The following XRN1 variants were observed in gnomAD, a reference collection of about 807,000 sequenced individuals.
XRN1 encodes strand-exchange protein 1 homolog.
A neutral mutation model predicts 222.3 loss-of-function variants in XRN1; 67 were observed. That is an observed-to-expected ratio of 0.30 (90% CI 0.25 to 0.37). XRN1 has a LOEUF of 0.37. XRN1 is among the 10% of genes least tolerant of loss of function. XRN1 has a pLI of 1.00. For synonymous variants in XRN1, 643 were observed against 652.4 expected (o/e 0.99, Z 0.22); for missense variants, 1,707 against 2,000.2 (o/e 0.85, Z 2.80).
chr3:142,400,807 A>G (rs1341934069), intron 18 of XRN1, among the ~76,000 whole-genome samples: 2 of 152,202 alleles, frequency 1.3e-5, no homozygotes, highest in African/African-American at 2.4e-5. Context: ...AGTCCCAGCT[A>G]CCCGGAGGCT....
At chr3:142,417,090 A>G in intron 13 of XRN1, 50 bp downstream of exon 13, 1 of 1,400,098 alleles carries the variant, frequency 7.1e-7, no homozygotes, top group South Asian at 1.2e-5. Context: ...CTCTAGTAGA[A>G]TGAATCATTA....
chr3:142,312,555 A>G, intron 40 of XRN1, 43 bp downstream of exon 40: 6 of 1,454,084 alleles, frequency 4.1e-6, no homozygotes, highest in Non-Finnish European at 5.5e-6. Flanking sequence ...ATAGTCTTTC[A>G]GCATTAAACA....
At position 142,403,745 on chromosome 3, in the gene XRN1, C is replaced by G; in HGVS notation, c.2032G>C (p.Val678Leu). ...KFFLKKSGVQ[V>L]FQQSSRGENM... The stretch of plus-strand genomic sequence containing the variant: ...TCTCCACGACTGCTTTGCTGGAATA[C>G]TTGAACACCACTTTTCTTCAAAAAA... Residue 678 changes from valine (V) to leucine (L), a missense_variant, in exon 18 of 41, where the codon GTA (valine) becomes CTA (leucine). Coordinates refer to ENST00000392981, the MANE Select transcript of XRN1 (RefSeq NM_001282857.2). 1 of 1,613,154 alleles carries G rather than the reference C, an allele frequency of 6.2e-7. No individual in the cohort carries two copies.
intron 1 of XRN1, among the ~76,000 whole-genome samples, chr3:142,438,998 A>G (rs1262278339): frequency 2.0e-5 from 3 of 152,110 alleles, no homozygotes; most frequent in African/African-American, 7.2e-5. Context: ...AATGAACCAG[A>G]GTGCCAATAT....
intron 15 of XRN1, among the ~76,000 whole-genome samples, chr3:142,410,146 A>G (rs184635817): frequency 6.6e-6 from 1 of 152,348 alleles, no homozygotes; most frequent in African/African-American, 2.4e-5. Context: ...AAAACGTTAG[A>G]AAGAAGTGGT....
At chr3:142,388,143 A>G (rs920984153) in intron 20 of XRN1, among the ~76,000 whole-genome samples, 3 of 152,216 alleles carry the variant, frequency 2.0e-5, no homozygotes, top group African/African-American at 7.2e-5. Context: ...ACATAGGTCC[A>G]CTTACATGCA....
intron 29 of XRN1, among the ~76,000 whole-genome samples, chr3:142,363,920 A>C (rs2066733447): frequency 6.6e-6 from 1 of 152,242 alleles, no homozygotes; most frequent in Non-Finnish European, 1.5e-5. Context: ...TCTTCCAAAA[A>C]AGTAAACAAA....
intron 29 of XRN1, among the ~76,000 whole-genome samples, chr3:142,364,461 A>T (rs1427506692): frequency 6.6e-6 from 1 of 151,846 alleles, no homozygotes; most frequent in Non-Finnish European, 1.5e-5. Flanking sequence ...TCACCATCTT[A>T]GCCACTTTTA....
intron 25 of XRN1, among the ~76,000 whole-genome samples, chr3:142,375,087 C>T (rs1187614134): frequency 2.0e-5 from 3 of 152,114 alleles, no homozygotes; most frequent in Admixed American, 6.5e-5. Context: ...TTCAGAGGGA[C>T]CATCATTGTC....
Position 142,400,459 on chromosome 3 carries a change from G to T in XRN1, c.2192C>A (p.Ser731Ter). ...HLEEARVVAV[S>*]DGETKFYLEE... ...TCTTACTTACTTAGTTTCTCCATCT[G>T]ATACAGCCACGACTCTAGCTTCCTC... The change falls in exon 19 of 41, where the codon TCA (serine) becomes TAA (stop). Residue 731 changes from serine to a stop codon, truncating the protein, a stop_gained. Coordinates refer to ENST00000392981, the MANE Select transcript of XRN1 (RefSeq NM_001282857.2). LOFTEE classifies it high-confidence loss of function. 6.2e-7 allele frequency: 1 copy of T among 1,608,582 alleles called. No individual in the cohort carries two copies. Among genetic ancestry groups the T allele is most frequent in the Non-Finnish European group, 8.5e-7 (1 of 1,177,108 alleles).
intron 37 of XRN1, among the ~76,000 whole-genome samples, chr3:142,326,773 T>C (rs2065528451): frequency 6.6e-6 from 1 of 152,064 alleles, no homozygotes; most frequent in Non-Finnish European, 1.5e-5. Flanking sequence ...TTTGTTGTTG[T>C]TTATTATGTT....
At chr3:142,321,833 C>T (rs926216352) in intron 37 of XRN1, among the ~76,000 whole-genome samples, 1 of 152,140 alleles carries the variant, frequency 6.6e-6, no homozygotes, top group African/African-American at 2.4e-5. Context: ...TATTCTGCAA[C>T]TTTGCTGCAT....
intron 38 of XRN1, 38 bp downstream of exon 38, chr3:142,318,752 A>G (rs778976076): frequency 6.2e-6 from 10 of 1,610,668 alleles, no homozygotes; most frequent in Admixed American, 1.7e-5. Flanking sequence ...ATAGGGACTA[A>G]TAAAAATTTT....
At chr3:142,326,130 G>A (rs188190395) in intron 37 of XRN1, among the ~76,000 whole-genome samples, 5 of 151,178 alleles carry the variant, frequency 3.3e-5, no homozygotes, top group African/African-American at 1.2e-4. Context: ...ATTCAGGATC[G>A]TGTGCGGTTC....
At chr3:142,443,326 G>T (rs2070332151) in intron 1 of XRN1, among the ~76,000 whole-genome samples, 1 of 152,164 alleles carries the variant, frequency 6.6e-6, no homozygotes, top group Non-Finnish European at 1.5e-5. Context: ...TGAGAGTGGG[G>T]ACTGAGAGAC....
At chr3:142,396,489 AT>A (rs1192681600) in intron 20 of XRN1, among the ~76,000 whole-genome samples, 1 of 152,220 alleles carries the variant, frequency 6.6e-6, no homozygotes, top group Admixed American at 6.5e-5. Context: ...GATATAAACT[AT>A]GATGGGGTAT....
intron 20 of XRN1, among the ~76,000 whole-genome samples, chr3:142,394,019 G>A (rs1456940665): frequency 2.0e-5 from 3 of 152,070 alleles, no homozygotes; most frequent in Non-Finnish European, 2.9e-5. Flanking sequence ...AAGAGATGGG[G>A]TTTTGCCATG....
chr3:142,430,655 T>C (rs2069482289), intron 2 of XRN1, among the ~76,000 whole-genome samples: 1 of 152,210 alleles, frequency 6.6e-6, no homozygotes, highest in Admixed American at 6.5e-5. Context: ...CCTTCTTTGA[T>C]GACTTCCACA....
Position 142,425,509 on chromosome 3 carries a change from G to A in XRN1, c.436C>T (p.His146Tyr), listed in dbSNP as rs1377972237. 6.2e-7 allele frequency: 1 copy of A among 1,612,962 alleles called. No homozygotes were observed. The highest frequency in any genetic ancestry group is 8.5e-7 in the Non-Finnish European group (1 of 1,179,456). The stretch of plus-strand genomic sequence containing the variant: ...TTCATATTTACAAAATACTTCAGAT[G>A]TTCATGTAACCTGGCCATAAATTCA... ...GTEFMARLHE[H>Y]LKYFVNMKIS... The change falls in exon 4 of 41, where the codon CAT (histidine) becomes TAT (tyrosine). Residue 146 changes from histidine (H) to tyrosine (Y), a missense_variant. This residue lies in a region of XRN1 where 1,234 missense variants were observed against 1,518.2 expected (regional missense o/e 0.81). Coordinates refer to ENST00000392981, the MANE Select transcript of XRN1 (RefSeq NM_001282857.2).
Sources: allele counts gnomAD v4.1 joint callset (sites outside exome capture counted in the v4.1 genomes callset), GRCh38; gene constraint gnomAD v4.1.1; regional missense constraint gnomAD v4.1.1; transcripts MANE v1.5; gene names NCBI Gene and HGNC (gene_info 2026-07-23, HGNC 2026-07-21).